Variants in THSD7B observed in about 807,000 individuals in gnomAD.
The protein encoded by THSD7B is thrombospondin type-1 domain-containing protein 7B.
THSD7B carries 138 observed loss-of-function variants against 213.6 expected under a neutral mutation model. The observed-to-expected ratio is 0.65, with a 90% CI of 0.56 to 0.74. THSD7B has a LOEUF of 0.74. THSD7B is among the 30% of genes least tolerant of loss of function. THSD7B has a pLI of 0.00. For missense variants in THSD7B, 1,931 were observed against 1,991.5 expected (o/e 0.97, Z 0.58); for synonymous variants, 742 against 687.0 (o/e 1.08, Z -1.25).
At chr2:137,411,395 C>G (rs1267937168) in intron 13 of THSD7B, among the ~76,000 whole-genome samples, 2 of 152,212 alleles carry the variant, frequency 1.3e-5, no homozygotes, top group African/African-American at 2.4e-5. Flanking sequence ...AAACATTAAA[C>G]CATTTTCTAC....
chr2:137,300,800 A>G (rs2104845796), intron 12 of THSD7B, among the ~76,000 whole-genome samples: 1 of 152,280 alleles, frequency 6.6e-6, no homozygotes, highest in Non-Finnish European at 1.5e-5. Flanking sequence ...AGGACAAGAA[A>G]GAGAATGGTT....
chr2:137,582,988 C>G (rs1681617349), intron 17 of THSD7B, among the ~76,000 whole-genome samples: 1 of 152,158 alleles, frequency 6.6e-6, no homozygotes, highest in South Asian at 2.1e-4. Context: ...TCTCCACATC[C>G]TCTCCAGCAC....
At chr2:137,419,660 T>A (rs1471265977) in intron 14 of THSD7B, among the ~76,000 whole-genome samples, 3 of 151,146 alleles carry the variant, frequency 2.0e-5, no homozygotes, top group Non-Finnish European at 4.4e-5. Flanking sequence ...TAGGAAAGGG[T>A]AGGTATATGT....
intron 1 of THSD7B, among the ~76,000 whole-genome samples, chr2:136,851,986 C>T (rs986871357): frequency 1.3e-5 from 2 of 151,944 alleles, no homozygotes; most frequent in South Asian, 2.1e-4. Flanking sequence ...AAAAGACACT[C>T]ATATCTTATT....
At chr2:137,555,626 A>G (rs545583206) in intron 15 of THSD7B, among the ~76,000 whole-genome samples, 104 of 152,244 alleles carry the variant, frequency 6.8e-4, no homozygotes, top group African/African-American at 2.4e-3. Context: ...AATTCTAAAA[A>G]TCAGAGGGCC....
chr2:137,455,337 A>G (rs115788123), intron 15 of THSD7B, among the ~76,000 whole-genome samples: 39 of 152,300 alleles, frequency 2.6e-4, no homozygotes, highest in African/African-American at 9.4e-4. Context: ...GCTCTTCTAG[A>G]GGAAAGAGAT....
intron 6 of THSD7B, among the ~76,000 whole-genome samples, chr2:137,162,197 G>A (rs575608690): frequency 1.2e-4 from 18 of 152,172 alleles, no homozygotes; most frequent in South Asian, 4.1e-4. Flanking sequence ...ATGGGTCTCC[G>A]TCTTGTTTTC....
At chr2:136,821,969 G>A (rs898485429) in intron 1 of THSD7B, among the ~76,000 whole-genome samples, 3 of 152,086 alleles carry the variant, frequency 2.0e-5, no homozygotes, top group Non-Finnish European at 4.4e-5. Context: ...ATCAGGATAT[G>A]AATAACTAGG....
At chr2:136,846,068 G>A (rs982377949) in intron 1 of THSD7B, among the ~76,000 whole-genome samples, 2 of 152,112 alleles carry the variant, frequency 1.3e-5, no homozygotes, top group Admixed American at 6.6e-5. Flanking sequence ...TTCCCAAGAC[G>A]AGCAAGGGAT....
At chr2:137,356,961 C>CAGACAG (rs1558768292) in intron 12 of THSD7B, among the ~76,000 whole-genome samples, 1 of 67,200 alleles carries the variant, frequency 1.5e-5, no homozygotes, top group Non-Finnish European at 3.7e-5. Context: ...CACACACACA[C>CAGACAG]ACACAGACAC....
At chr2:137,613,994 A>G (rs1320832434) in intron 17 of THSD7B, among the ~76,000 whole-genome samples, 1 of 152,144 alleles carries the variant, frequency 6.6e-6, no homozygotes, top group African/African-American at 2.4e-5. Flanking sequence ...GAGAATTTTT[A>G]TAAGATGAAG....
At chr2:137,277,770 C>A (rs928767721) in intron 12 of THSD7B, among the ~76,000 whole-genome samples, 3 of 152,022 alleles carry the variant, frequency 2.0e-5, no homozygotes, top group African/African-American at 7.2e-5. Context: ...AATGGTATAT[C>A]CTGGACAACT....
intron 15 of THSD7B, among the ~76,000 whole-genome samples, chr2:137,463,572 G>A (rs569524966): frequency 6.2e-4 from 94 of 152,040 alleles, no homozygotes; most frequent in African/African-American, 2.1e-3. Context: ...CCACCAGGAT[G>A]GCCAAATAAT....
chr2:137,365,125 A>C (rs1056178094), intron 12 of THSD7B, among the ~76,000 whole-genome samples: 5 of 152,220 alleles, frequency 3.3e-5, no homozygotes, highest in Non-Finnish European at 7.3e-5. Flanking sequence ...AACATGACAA[A>C]AACAAGAAAT....
chr2:137,390,446 A>G (rs1209040754), intron 12 of THSD7B, among the ~76,000 whole-genome samples: 2 of 152,136 alleles, frequency 1.3e-5, no homozygotes, highest in African/African-American at 4.8e-5. Flanking sequence ...TGGAATCTTT[A>G]TGTTTTTTGA....
intron 2 of THSD7B, among the ~76,000 whole-genome samples, chr2:137,036,095 T>A (rs1686769092): frequency 2.0e-5 from 3 of 152,172 alleles, no homozygotes; most frequent in Admixed American, 1.3e-4. Flanking sequence ...GATTCAGAGT[T>A]TTTTATATGT....
At chr2:137,634,896 A>G (rs1336060888) in intron 20 of THSD7B, among the ~76,000 whole-genome samples, 3 of 152,124 alleles carry the variant, frequency 2.0e-5, no homozygotes, top group Admixed American at 1.3e-4. Context: ...TTAAACCTGT[A>G]TGCAGGCACT....
chr2:137,407,419 C>T (rs1686550294), intron 13 of THSD7B, among the ~76,000 whole-genome samples: 1 of 151,820 alleles, frequency 6.6e-6, no homozygotes, highest in African/African-American at 2.4e-5. Flanking sequence ...TTAGCAATTT[C>T]ATGAAATACA....
chr2:137,284,999 G>A (rs1419925159), intron 12 of THSD7B, among the ~76,000 whole-genome samples: 1 of 152,040 alleles, frequency 6.6e-6, no homozygotes, highest in Non-Finnish European at 1.5e-5. Context: ...TGACAGTGGG[G>A]TGTTTAAGTC....
Sources: gnomAD v4.1 joint callset for allele counts (sites outside exome capture counted in the v4.1 genomes callset) on GRCh38, gnomAD v4.1.1 for gene constraint, MANE v1.5 for transcripts, NCBI Gene and HGNC (gene_info 2026-07-23, HGNC 2026-07-21) for gene names.